Variants in SCHIP1 observed in about 807,000 individuals in gnomAD.
The protein encoded by SCHIP1 is schwannomin-interacting protein 1.
Under a neutral mutation model 29.7 loss-of-function variants are expected in SCHIP1, and 8 were observed. That is an observed-to-expected ratio of 0.27 (90% CI 0.16 to 0.49). The LOEUF (loss-of-function observed/expected upper bound fraction) is 0.49, where lower values mean the gene tolerates loss of function less well. SCHIP1 is among the 20% of genes least tolerant of loss of function. The pLI, the probability that SCHIP1 is intolerant of heterozygous loss-of-function variation, is 0.99. For synonymous variants in SCHIP1, 76 were observed against 94.9 expected (o/e 0.80, Z 1.16); for missense variants, 193 against 294.6 (o/e 0.66, Z 2.52).
the SCHIP1 span, among the ~76,000 whole-genome samples, chr3:159,437,599 A>G: frequency 1.3e-5 from 2 of 151,982 alleles, no homozygotes; most frequent in Admixed American, 1.3e-4. Context: ...GAGGAAGGAG[A>G]CGGTGGAGGG....
At chr3:159,811,991 T>G in the SCHIP1 span, among the ~76,000 whole-genome samples, 4 of 150,418 alleles carry the variant, frequency 2.7e-5, no homozygotes, top group African/African-American at 9.8e-5. Context: ...TTTTTTTTTT[T>G]GGCAGAGTCT....
chr3:159,890,067 C>G (rs1330832442), intron 5 of SCHIP1, among the ~76,000 whole-genome samples: 1 of 151,256 alleles, frequency 6.6e-6, no homozygotes, highest in Non-Finnish European at 1.5e-5. Context: ...TGCACTCCAG[C>G]CTGGGTGACA....
chr3:159,635,616 A>G, the SCHIP1 span, among the ~76,000 whole-genome samples: 1 of 152,182 alleles, frequency 6.6e-6, no homozygotes, highest in Non-Finnish European at 1.5e-5. Flanking sequence ...ATGAATGAGA[A>G]AATGAATGAT....
the SCHIP1 span, among the ~76,000 whole-genome samples, chr3:159,824,822 T>G: frequency 6.5e-3 from 994 of 152,344 alleles, 16 homozygotes; most frequent in African/African-American, 0.023. Context: ...AATTGTAGGT[T>G]GTTTCTTGGT....
chr3:159,816,273 T>G, the SCHIP1 span, among the ~76,000 whole-genome samples: 1 of 151,408 alleles, frequency 6.6e-6, no homozygotes, highest in African/African-American at 2.4e-5. Context: ...TTAAAATGTA[T>G]TTTATTTATC....
chr3:159,496,156 T>A, the SCHIP1 span, among the ~76,000 whole-genome samples: 54 of 152,224 alleles, frequency 3.5e-4, no homozygotes, highest in Non-Finnish European at 6.5e-4. Flanking sequence ...AAACCCTAGA[T>A]GAAAACCTAG....
At chr3:159,466,728 CT>C in the SCHIP1 span, among the ~76,000 whole-genome samples, 1 of 152,104 alleles carries the variant, frequency 6.6e-6, no homozygotes, top group Non-Finnish European at 1.5e-5. Context: ...TAGAGGCTGA[CT>C]GAGGAATAGG....
the SCHIP1 span, among the ~76,000 whole-genome samples, chr3:159,452,836 CTT>C: frequency 0.26 from 38,891 of 151,934 alleles, 6,294 homozygotes; most frequent in African/African-American, 0.46. Flanking sequence ...GAAAACATTT[CTT>C]TTATAACAGA....
At chr3:159,439,380 G>T in the SCHIP1 span, among the ~76,000 whole-genome samples, 5 of 152,154 alleles carry the variant, frequency 3.3e-5, 1 homozygote, top group South Asian at 1.0e-3. Context: ...CGGCAGGAAG[G>T]AGAAGTGCCA....
At chr3:159,774,945 AT>A in the SCHIP1 span, among the ~76,000 whole-genome samples, 4 of 151,626 alleles carry the variant, frequency 2.6e-5, no homozygotes, top group Non-Finnish European at 4.4e-5. Context: ...CACATTAATC[AT>A]TTTTTTTCTT....
chr3:159,398,864 T>C, the SCHIP1 span: 3 of 437,388 alleles, frequency 6.9e-6, no homozygotes, highest in Admixed American at 1.9e-4. Flanking sequence ...TGTTGAGTTT[T>C]AGTACCTTAG....
the SCHIP1 span, among the ~76,000 whole-genome samples, chr3:159,481,170 C>T: frequency 6.6e-6 from 1 of 152,046 alleles, no homozygotes; most frequent in East Asian, 1.9e-4. Flanking sequence ...ACACTGGGGT[C>T]TTATTAGAAA....
chr3:159,534,505 G>A, the SCHIP1 span, among the ~76,000 whole-genome samples: 4 of 152,100 alleles, frequency 2.6e-5, no homozygotes, highest in Non-Finnish European at 5.9e-5. Context: ...AGAGACCCAG[G>A]ATGATGGAGC....
At chr3:159,419,147 C>T in the SCHIP1 span, among the ~76,000 whole-genome samples, 1 of 152,216 alleles carries the variant, frequency 6.6e-6, no homozygotes, top group East Asian at 1.9e-4. Context: ...GCACCACGAA[C>T]TTGTGTTTAA....
the SCHIP1 span, among the ~76,000 whole-genome samples, chr3:159,477,993 G>A: frequency 6.9e-6 from 1 of 145,286 alleles, no homozygotes; most frequent in African/African-American, 2.6e-5. Context: ...CATGATCTTG[G>A]CTCACTGCAA....
the SCHIP1 span, among the ~76,000 whole-genome samples, chr3:159,617,521 T>C: frequency 6.6e-6 from 1 of 152,190 alleles, no homozygotes; most frequent in Non-Finnish European, 1.5e-5. Context: ...CACACTCAGA[T>C]AGACTTTTCA....
the SCHIP1 span, among the ~76,000 whole-genome samples, chr3:159,691,858 A>G: frequency 6.6e-6 from 1 of 152,182 alleles, no homozygotes; most frequent in Admixed American, 6.5e-5. Flanking sequence ...TTCATTTACG[A>G]AGCTTAGTTT....
the SCHIP1 span, among the ~76,000 whole-genome samples, chr3:159,458,138 A>G: frequency 1.3e-5 from 2 of 152,214 alleles, no homozygotes; most frequent in Non-Finnish European, 2.9e-5. Context: ...AGAAACTTTA[A>G]ACATAATTGT....
At chr3:159,753,686 A>G in the SCHIP1 span, among the ~76,000 whole-genome samples, 6 of 152,190 alleles carry the variant, frequency 3.9e-5, no homozygotes, top group African/African-American at 1.4e-4. Flanking sequence ...CACCATGCAG[A>G]AAGTTTCAAA....
Sources: gnomAD v4.1 joint callset for allele counts (sites outside exome capture counted in the v4.1 genomes callset) on GRCh38, gnomAD v4.1.1 for gene constraint, MANE v1.5 for transcripts, NCBI Gene and HGNC (gene_info 2026-07-23, HGNC 2026-07-21) for gene names.